The following ICE2 variants were observed in gnomAD, a reference collection of about 807,000 sequenced individuals.
ICE2 encodes the protein interactor of little elongation complex ELL subunit 2, also known as little elongation complex subunit 2.
ICE2 carries 87 observed loss-of-function variants against 105.4 expected under a neutral mutation model. That is an observed-to-expected ratio of 0.83 (90% CI 0.69 to 0.99). ICE2 has a LOEUF of 0.99. Ranked by LOEUF, ICE2 falls within the 50% of genes least tolerant of loss-of-function variation. The probability of loss-of-function intolerance (pLI) is 0.00; values close to 1 mark genes in which losing one functional copy is unlikely to be tolerated. For missense variants in ICE2, 1,323 were observed against 1,146.7 expected (o/e 1.15, Z -2.22); for synonymous variants, 399 against 392.0 (o/e 1.02, Z -0.21).
At chr15:60,445,755 G>A (rs1941375766) in intron 11 of ICE2, 1 of 985,166 alleles carries the variant, frequency 1.0e-6, no homozygotes. Flanking sequence ...TCTTACTTAA[G>A]AGATACCGGC....
At chr15:60,453,980 GC>G (rs1377149415) in intron 8 of ICE2, among the ~76,000 whole-genome samples, 196 bp from the exon 9 acceptor site, 2 of 152,158 alleles carry the variant, frequency 1.3e-5, no homozygotes, top group East Asian at 3.9e-4. Flanking sequence ...AATCCAACTG[GC>G]AGGAGAAAAA....
intron 3 of ICE2, among the ~76,000 whole-genome samples, chr15:60,469,487 T>C (rs2064525793): frequency 6.6e-6 from 1 of 152,032 alleles, no homozygotes; most frequent in Admixed American, 6.5e-5. Context: ...CCCCTGATAA[T>C]AAGAGCTAGT....
At chr15:60,435,110 T>C (rs534956600) in intron 13 of ICE2, among the ~76,000 whole-genome samples, 1 of 147,934 alleles carries the variant, frequency 6.8e-6, no homozygotes, top group Admixed American at 6.8e-5. Flanking sequence ...TGAAACCCCA[T>C]CTCTACTAAA....
chr15:60,478,593 G>A (rs2064836576), intron 1 of ICE2: 1 of 283,726 alleles, frequency 3.5e-6, no homozygotes, highest in Admixed American at 5.1e-5. Flanking sequence ...TACAAATCAG[G>A]CTTGATCTCT....
chr15:60,476,843 A>G (rs2141181087), intron 2 of ICE2, among the ~76,000 whole-genome samples: 1 of 152,370 alleles, frequency 6.6e-6, no homozygotes, highest in Non-Finnish European at 1.5e-5. Flanking sequence ...AAAGGTCAGT[A>G]AAATTCCGTG....
chr15:60,455,487 A>G (rs747027221), intron 6 of ICE2, 45 bp from the exon 7 acceptor site: 2 of 1,264,538 alleles, frequency 1.6e-6, no homozygotes, highest in South Asian at 2.5e-5. Context: ...ATCGCAATGT[A>G]TTTTTTCTAA....
Position 60,449,794 on chromosome 15 carries a change from G to C in ICE2, c.1173C>G (p.Asn391Lys), listed in dbSNP as rs1267830272. ...NECRKIESLE[N>K]LYLDFDDDVT... ...CATCATCATCAAAATCCAAATACAAGTTTTCAAGACTCTCAATTTTTCGGC... is the reference window on the plus strand; with the variant it reads ...CATCATCATCAAAATCCAAATACAACTTTTCAAGACTCTCAATTTTTCGGC... The change falls in exon 10 of 16, where the codon AAC (asparagine) becomes AAG (lysine). Residue 391 changes from asparagine (N) to lysine (K), a missense_variant. Transcript: ENST00000261520. The C allele has an allele frequency of 3.7e-6, 6 of 1,613,826 alleles. No homozygotes were observed. The highest frequency in any genetic ancestry group is 5.1e-6 in the Non-Finnish European group (6 of 1,179,938).
chr15:60,430,713 C>CT (rs1329283888), intron 14 of ICE2, among the ~76,000 whole-genome samples: 2 of 152,064 alleles, frequency 1.3e-5, no homozygotes, highest in African/African-American at 4.8e-5. Flanking sequence ...AGAACTAGAG[C>CT]TTTGAGATTT....
In ICE2 at chr15:60,436,149, G is replaced by T; in HGVS notation, c.2504C>A (p.Ala835Glu). ...ACAAAGTAAACTTTCTTACTTGAGTGCTGAAAGCTTTTCTTTTAATTCTTC... is the reference window on the plus strand; with the variant it reads ...ACAAAGTAAACTTTCTTACTTGAGTTCTGAAAGCTTTTCTTTTAATTCTTC... ...TSEELKEKLSALKISNLFNIL... is the reference protein window; with the variant it reads ...TSEELKEKLSELKISNLFNIL... Residue 835 changes from alanine (A) to glutamate (E), a missense_variant, in exon 13 of 16, where the codon GCA becomes GAA. By Grantham distance (107) the Ala-to-Glu change is moderately radical. Coordinates refer to ENST00000261520, the MANE Select transcript of ICE2 (RefSeq NM_024611.6). 7.1e-7 allele frequency: 1 copy of T among 1,411,030 alleles called. No individual in the cohort carries two copies. The highest frequency in any genetic ancestry group is 9.6e-7 in the Non-Finnish European group (1 of 1,044,470). The allele number at this position is 1,411,030 out of a possible 1,614,324, so 87.4% of individuals were successfully genotyped here. A position where few individuals can be genotyped will look rare whatever the true frequency, so the allele number is the denominator to read the frequency against.
intron 8 of ICE2, among the ~76,000 whole-genome samples, chr15:60,454,272 T>C (rs2141083712): frequency 6.6e-6 from 1 of 152,274 alleles, no homozygotes; most frequent in South Asian, 2.1e-4. Context: ...TATGCAAATA[T>C]TAATTTTATT....
At chr15:60,446,143 T>C (rs2063817542) in intron 11 of ICE2, among the ~76,000 whole-genome samples, 3 of 152,240 alleles carry the variant, frequency 2.0e-5, no homozygotes, top group Admixed American at 2.0e-4. Context: ...TAAAGCCATT[T>C]GGTTTCTAAA....
Position 60,466,585 on chromosome 15 carries a change from T to G in ICE2, c.528+9A>C. Reference sequence around the variant, plus strand: ...TCGCAATTTACACAAATGTGAGTTGTTTTTTTACCTCTGTGAAGAGACGGG... The same window carrying G: ...TCGCAATTTACACAAATGTGAGTTGGTTTTTTACCTCTGTGAAGAGACGGG... On this transcript the variant is annotated intron_variant, in intron 5 of 15. Coordinates refer to ENST00000261520, the MANE Select transcript of ICE2 (RefSeq NM_024611.6). 6.3e-7 allele frequency: 1 copy of G among 1,588,084 alleles called. No homozygotes were observed. The highest frequency in any genetic ancestry group is 8.6e-7 in the Non-Finnish European group (1 of 1,160,740).
intron 5 of ICE2, among the ~76,000 whole-genome samples, chr15:60,464,923 G>A (rs1405500735): frequency 6.6e-6 from 1 of 152,130 alleles, no homozygotes; most frequent in African/African-American, 2.4e-5. Flanking sequence ...AGGATCACTT[G>A]AACCCAGGAA....
At position 60,449,110 on chromosome 15, in the gene ICE2, A is replaced by T; in HGVS notation, c.1857T>A (p.Thr619=). 1 of 1,614,040 alleles carries T rather than the reference A, an allele frequency of 6.2e-7. No homozygotes were observed. The highest frequency in any genetic ancestry group is 1.3e-5 in the African/African-American group (1 of 75,022). ...ACTCTTCAGGACTACAAGCAGTATT[A>T]GTCTGGTTTCCTACAGAAGCCTGTC... ...SSGQASVGNQ[T]NTACSPEESC... The change falls in exon 10 of 16, where the codon ACT becomes ACA. Residue 619 remains threonine (T), a synonymous_variant. Coordinates refer to ENST00000261520, the MANE Select transcript of ICE2 (RefSeq NM_024611.6).
In ICE2 at chr15:60,423,450, T is replaced by A; in HGVS notation, c.*184A>T. ...CAAGATCCTCCTCAAACTTCAAGGG[T>A]GAAAAGCATACCATTCCATTTTAGT... On this transcript the variant is annotated 3_prime_UTR_variant, in exon 16 of 16. Coordinates refer to ENST00000261520, the MANE Select transcript of ICE2 (RefSeq NM_024611.6). 2.2e-6 allele frequency: 1 copy of A among 452,838 alleles called. No individual in the cohort carries two copies. Among genetic ancestry groups the A allele is most frequent in the East Asian group, 4.0e-5 (1 of 24,948 alleles). The allele number at this position is 452,838 out of a possible 1,614,324, so 28.1% of individuals were successfully genotyped here. A position where few individuals can be genotyped will look rare whatever the true frequency, so the allele number is the denominator to read the frequency against.
Position 60,455,409 on chromosome 15 carries a change from AG to A in ICE2, c.699del (p.Ser234GlnfsTer4). 6.2e-7 allele frequency: 1 copy of A among 1,613,722 alleles called. No individual in the cohort carries two copies. Among genetic ancestry groups the A allele is most frequent in the South Asian group, 1.1e-5 (1 of 91,056 alleles). On this transcript the variant is annotated frameshift_variant, in exon 7 of 16. Transcript: ENST00000261520. LOFTEE classifies it high-confidence loss of function. ...GACAGCTGCAACTTTATAGGCATTG[AG>A]GGAAATACTGTTTTCACATATTTTA... ...GSVKYVKTVFPSMPIKLQLSK... is the reference protein window; with the variant it reads ...GSVKYVKTVFXSMPIKLQLSK...
Position 60,421,689 on chromosome 15 carries a change from C to T in ICE2, c.*1945G>A, listed in dbSNP as rs2063243616. 2 of 152,204 alleles carry T rather than the reference C, an allele frequency of 1.3e-5. No homozygotes were observed. Among genetic ancestry groups the T allele is most frequent in the Non-Finnish European group, 2.9e-5 (2 of 68,014 alleles). The allele number at this position is 152,204 out of a possible 1,614,324, so 9.4% of individuals were successfully genotyped here. A position where few individuals can be genotyped will look rare whatever the true frequency, so the allele number is the denominator to read the frequency against. On this transcript the variant is annotated 3_prime_UTR_variant, in exon 16 of 16. Transcript: ENST00000261520. Reference sequence around the variant, plus strand: ...AATAAAATAAAAAAGTGTAAGAGTACATTTCAAGGGAATCCCTGCCTCTCC... The same window carrying T: ...AATAAAATAAAAAAGTGTAAGAGTATATTTCAAGGGAATCCCTGCCTCTCC...
chr15:60,423,399 C>T lies in ICE2; in HGVS notation c.*235G>A. On this transcript the variant is annotated 3_prime_UTR_variant, in exon 16 of 16. Coordinates refer to ENST00000261520, the MANE Select transcript of ICE2 (RefSeq NM_024611.6). ...AATATTTTTCTTCTTTATATATTTC[C>T]CTGCCATGATAATGTTAAAACATAT... The T allele has an allele frequency of 2.0e-5, 6 of 302,402 alleles. No homozygotes were observed. The highest frequency in any genetic ancestry group is 1.8e-4 in the South Asian group (2 of 11,194). The allele number at this position is 302,402 out of a possible 1,614,324, so 18.7% of individuals were successfully genotyped here. A position where few individuals can be genotyped will look rare whatever the true frequency, so the allele number is the denominator to read the frequency against.
intron 5 of ICE2, among the ~76,000 whole-genome samples, chr15:60,460,821 A>G (rs188492358): frequency 2.6e-5 from 4 of 152,328 alleles, no homozygotes; most frequent in African/African-American, 9.6e-5. Flanking sequence ...ACGGGAAAAA[A>G]TGAACTTTGA....
Sources: gnomAD v4.1 joint callset for allele counts (sites outside exome capture counted in the v4.1 genomes callset) on GRCh38, gnomAD v4.1.1 for gene constraint, MANE v1.5 for transcripts, NCBI Gene and HGNC (gene_info 2026-07-23, HGNC 2026-07-21) for gene names.